PLPPR2: variants seen among roughly 807,000 people sequenced by gnomAD.
PLPPR2 encodes the protein phospholipid phosphatase-related protein type 2.
A neutral mutation model predicts 40.3 loss-of-function variants in PLPPR2; 11 were observed. The observed-to-expected ratio is 0.27, with a 90% CI of 0.17 to 0.45. The LOEUF (loss-of-function observed/expected upper bound fraction) is 0.45. Among genes scored for constraint, PLPPR2 ranks in the 20% least tolerant of loss-of-function variants. The probability of loss-of-function intolerance (pLI) is 1.00; values close to 1 mark genes in which losing one functional copy is unlikely to be tolerated. For synonymous variants in PLPPR2, 260 were observed against 290.8 expected, an observed-to-expected ratio of 0.89 and a Z score of 1.08; for missense variants, 497 against 640.7, an observed-to-expected ratio of 0.78 and a Z score of 2.42.
In PLPPR2 at chr19:11,364,815, G is replaced by A; in HGVS notation, c.*125G>A. 1 of 1,110,456 alleles carries A rather than the reference G, an allele frequency of 9.0e-7. No individual in the cohort carries two copies. The highest frequency in any genetic ancestry group is 1.3e-6 in the Non-Finnish European group (1 of 779,366). 68.8% of individuals were successfully genotyped at this position (1,110,456 alleles called of 1,614,324 possible). A position where few individuals can be genotyped will look rare whatever the true frequency, so the allele number is the denominator to read the frequency against. On this transcript the variant is annotated 3_prime_UTR_variant, in exon 10 of 10. Transcript: ENST00000688289. The surrounding 1 kb of genome is among the most constrained non-coding windows in gnomAD (Gnocchi z 5.8). ...AGCCAGCCAGACCCAGACATTAGAA[G>A]ATGGCTAGAAGGACATTTAGGAGAC...
intron 5 of PLPPR2, among the ~76,000 whole-genome samples, 182 bp downstream of exon 5, chr19:11,360,138 C>A (rs1968003894): frequency 6.6e-6 from 1 of 152,182 alleles, no homozygotes; most frequent in African/African-American, 2.4e-5. Context: ...CAGGACCAGC[C>A]TGGCCAACAT....
In PLPPR2 at chr19:11,361,890, C is replaced by T. The variant is rs1474755895; in HGVS notation, c.663+402C>T. Among the ~76,000 whole-genome samples the T allele has an allele frequency of 6.6e-6, 1 of 151,990 alleles. No individual in the cohort carries two copies. The highest frequency in any genetic ancestry group is 1.5e-5 in the Non-Finnish European group (1 of 67,970). ...GGCAGATGGGACGGCCCCCTGGAGT[C>T]CTTGCCCCTCTTCTGGAGCCCTTGC... is the stretch of plus-strand genomic sequence containing the variant. On this transcript the variant is annotated intron_variant, in intron 6 of 9. Transcript: ENST00000688289. The surrounding 1 kb of genome is among the most constrained non-coding windows in gnomAD (Gnocchi z 6.3).
chr19:11,355,822 TTGTG>T (rs1967851569), intron 1 of PLPPR2, among the ~76,000 whole-genome samples: 1 of 151,972 alleles, frequency 6.6e-6, no homozygotes, highest in Non-Finnish European at 1.5e-5. Flanking sequence ...CTGTGTGTGG[TTGTG>T]TAACTGTCAT....
Position 11,364,993 on chromosome 19 carries a change from G to T in PLPPR2, c.*303G>T, listed in dbSNP as rs1254145613. The stretch of plus-strand genomic sequence containing the variant: ...CTGGTTCTCAGAATTTTAACCAAAA[G>T]GAGTTGGCTCCAACCAATGGGAGCC... On this transcript the variant is annotated 3_prime_UTR_variant, in exon 10 of 10. Coordinates refer to ENST00000688289, the MANE Select transcript of PLPPR2 (RefSeq NM_001393892.1). This position sits in a 1 kb window ranked among gnomAD's most constrained non-coding sequence, Gnocchi z 5.8. The T allele has an allele frequency of 6.8e-6, 3 of 438,242 alleles. No homozygotes were observed. Among genetic ancestry groups the T allele is most frequent in the Non-Finnish European group, 1.2e-5 (3 of 246,190 alleles). The allele number at this position is 438,242 out of a possible 1,614,324, so 27.1% of individuals were successfully genotyped here. A position where few individuals can be genotyped will look rare whatever the true frequency, so the allele number is the denominator to read the frequency against.
At position 11,363,722 on chromosome 19, in the gene PLPPR2, G is replaced by A. The variant is rs139320193; in HGVS notation, c.850G>A (p.Val284Ile). Residue 284 changes from valine (V) to isoleucine (I), a missense_variant, in exon 8 of 10, where the codon GTT (valine) becomes ATT (isoleucine). Coordinates refer to ENST00000688289, the MANE Select transcript of PLPPR2 (RefSeq NM_001393892.1). This position sits in a 1 kb window ranked among gnomAD's most constrained non-coding sequence, Gnocchi z 4.8. ...AAIATFLVTC[V>I]VHNFQSRPPS... is the part of the protein sequence containing the mutation. ...TCTCCCTCTATTCCAGGTCACCTGCGTTGTGCATAACTTTCAGAGCCGGCC... is the reference window on the plus strand; with the variant it reads ...TCTCCCTCTATTCCAGGTCACCTGCATTGTGCATAACTTTCAGAGCCGGCC... 8.7e-6 allele frequency: 14 copies of A among 1,613,534 alleles called. No homozygotes were observed. The highest frequency in any genetic ancestry group is 5.5e-5 in the South Asian group (5 of 90,994).
Position 11,363,807 on chromosome 19 carries a change from GC to G in PLPPR2, c.940del (p.Leu314SerfsTer4). The G allele has an allele frequency of 1.2e-6, 2 of 1,614,140 alleles. No homozygotes were observed. Among genetic ancestry groups the G allele is most frequent in the Non-Finnish European group, 1.7e-6 (2 of 1,180,002 alleles). On this transcript the variant is annotated frameshift_variant, in exon 8 of 10. Coordinates refer to ENST00000688289, the MANE Select transcript of PLPPR2 (RefSeq NM_001393892.1). LOFTEE classifies it high-confidence loss of function. The surrounding 1 kb of genome is among the most constrained non-coding windows in gnomAD (Gnocchi z 4.8). ...EDLGQAPTMDSPLEKLSVAQE... is the reference protein window; with the variant it reads ...EDLGQAPTMDXPLEKLSVAQE... ...CTGGGCCAAGCCCCCACCATGGATAGCCCCCTCGAAAAGTTAAGTGTGGCGC... is the reference window on the plus strand; with the variant it reads ...CTGGGCCAAGCCCCCACCATGGATAGCCCCTCGAAAAGTTAAGTGTGGCGC...
rs754226716 is a variant in PLPPR2, at chr19:11,362,621, G to C, written c.772G>C (p.Glu258Gln). The C allele has an allele frequency of 6.2e-7, 1 of 1,613,836 alleles. No homozygotes were observed. The highest frequency in any genetic ancestry group is 1.3e-5 in the African/African-American group (1 of 75,068). ...AFLVGVVRVA[E>Q]YRNHWSDVLA... The stretch of plus-strand genomic sequence containing the variant: ...CCTGGTGGGCGTGGTCCGCGTGGCC[G>C]AGTACCGAAACCACTGGTCGGACGT... Residue 258 changes from glutamate (E) to glutamine (Q), a missense_variant, in exon 7 of 10, where the codon GAG (glutamate) becomes CAG (glutamine). Transcript: ENST00000688289. This position sits in a 1 kb window ranked among gnomAD's most constrained non-coding sequence, Gnocchi z 5.3.
Position 11,359,396 on chromosome 19 carries a change from G to C in PLPPR2, c.67-136G>C. The stretch of plus-strand genomic sequence containing the variant: ...CTCAGTCTCTCTCCCCCTTGTCTCT[G>C]TCTCTCTCCATCTTCTAGTTTCTGT... On this transcript the variant is annotated intron_variant, in intron 3 of 9. Transcript: ENST00000688289. This position sits in a 1 kb window ranked among gnomAD's most constrained non-coding sequence, Gnocchi z 5.6. The C allele has an allele frequency of 1.3e-6, 1 of 744,174 alleles. No individual in the cohort carries two copies. The highest frequency in any genetic ancestry group is 2.0e-6 in the Non-Finnish European group (1 of 500,330). The allele number at this position is 744,174 out of a possible 1,614,324, so 46.1% of individuals were successfully genotyped here.
At position 11,364,872 on chromosome 19, in the gene PLPPR2, A is replaced by ATGGGCACAAATGGAAGG; in HGVS notation, c.*185_*201dup. On this transcript the variant is annotated 3_prime_UTR_variant, in exon 10 of 10. Coordinates refer to ENST00000688289, the MANE Select transcript of PLPPR2 (RefSeq NM_001393892.1). This position sits in a 1 kb window ranked among gnomAD's most constrained non-coding sequence, Gnocchi z 5.8. ...CTCTCTGGCCCTCTGAGATATCCCG[A>ATGGGCACAAATGGAAGG]TGGGCACAAATGGAAGGTGCGCACT... The ATGGGCACAAATGGAAGG allele has an allele frequency of 1.4e-6, 1 of 696,040 alleles. No individual in the cohort carries two copies. The allele number at this position is 696,040 out of a possible 1,614,324, so 43.1% of individuals were successfully genotyped here.
At chr19:11,360,098 C>A in intron 5 of PLPPR2, 142 bp downstream of exon 5, 1 of 1,184,712 alleles carries the variant, frequency 8.4e-7, no homozygotes, top group Non-Finnish European at 1.1e-6. Flanking sequence ...TGTGGGAGGC[C>A]AAGTGGGCGA....
intron 5 of PLPPR2, among the ~76,000 whole-genome samples, chr19:11,360,778 G>T (rs1022543733): frequency 2.0e-5 from 3 of 152,040 alleles, no homozygotes; most frequent in Admixed American, 2.0e-4. Flanking sequence ...GGCAGAGGGC[G>T]GGAGACCCAG....
rs374338591 is a variant in PLPPR2 at position 11,363,831 on chromosome 19, C to A, written c.959C>A (p.Ala320Glu). The change falls in exon 8 of 10, where the codon GCG (alanine) becomes GAG (glutamate). Residue 320 changes from alanine to glutamate, a missense_variant. Transcript: ENST00000688289. This position sits in a 1 kb window ranked among gnomAD's most constrained non-coding sequence, Gnocchi z 4.8. ...AGCCCCCTCGAAAAGTTAAGTGTGG[C>A]GCAGGTAAGGGGGGCCGGGGGCTGC... ...MDSPLEKLSV[A>E]QEPEVCRPHS... 2.2e-4 allele frequency: 352 copies of A among 1,613,366 alleles called. No individual in the cohort carries two copies. Among genetic ancestry groups the A allele is most frequent in the Non-Finnish European group, 2.8e-4 (334 of 1,179,720 alleles).
intron 1 of PLPPR2, among the ~76,000 whole-genome samples, chr19:11,356,529 ATGTGT>A (rs779566846): frequency 3.9e-5 from 6 of 152,160 alleles, no homozygotes; most frequent in Non-Finnish European, 8.8e-5. Flanking sequence ...ATGCAGTGAC[ATGTGT>A]TGTGTGTGTT....
intron 1 of PLPPR2, 112 bp from the exon 2 acceptor site, chr19:11,356,690 G>GTA (rs1473659584): frequency 6.5e-6 from 1 of 154,204 alleles, no homozygotes; most frequent in African/African-American, 2.4e-5. Context: ...GTGTGTGTGT[G>GTA]TGTGGTGCCA....
Position 11,361,308 on chromosome 19 carries a change from G to A in PLPPR2, c.483G>A (p.Val161=), listed in dbSNP as rs753875447. 17 of 1,613,622 alleles carry A rather than the reference G, an allele frequency of 1.1e-5. No individual in the cohort carries two copies. Among genetic ancestry groups the A allele is most frequent in the Admixed American group, 1.0e-4 (6 of 59,992 alleles). ...ATCCCACGCCACACTTCCTGTCCGTGTGCCGCCCCAACTACACGGCCCTGG... is the reference window on the plus strand; with the variant it reads ...ATCCCACGCCACACTTCCTGTCCGTATGCCGCCCCAACTACACGGCCCTGG... ...TGNPTPHFLS[V]CRPNYTALGC... Residue 161 remains valine (V), a synonymous_variant, in exon 6 of 10, where the codon GTG becomes GTA. Transcript: ENST00000688289. This position sits in a 1 kb window ranked among gnomAD's most constrained non-coding sequence, Gnocchi z 6.3.
rs557526829 is a variant in PLPPR2 at position 11,359,918 on chromosome 19, G to A, written c.353G>A (p.Arg118His). The A allele has an allele frequency of 1.7e-5, 28 of 1,612,444 alleles. No homozygotes were observed. In the South Asian group the frequency reaches 1.9e-4, roughly 11 times the overall value. ...ESTIVSGACC[R>H]FSPPVRRLVR... ...ACCATCGTGTCTGGGGCCTGCTGCC[G>A]CTTCAGCCCCCCAGTGCGGAGGCTG... is the stretch of plus-strand genomic sequence containing the variant. Residue 118 changes from arginine (R) to histidine (H), a missense_variant, in exon 5 of 10, where the codon CGC (arginine) becomes CAC (histidine). By Grantham distance (29) the Arg-to-His change is conservative. Coordinates refer to ENST00000688289, the MANE Select transcript of PLPPR2 (RefSeq NM_001393892.1). The surrounding 1 kb of genome is among the most constrained non-coding windows in gnomAD (Gnocchi z 5.6).
Position 11,361,566 on chromosome 19 carries a change from T to G in PLPPR2, c.663+78T>G. The G allele has an allele frequency of 6.6e-7, 1 of 1,523,058 alleles. No individual in the cohort carries two copies. The highest frequency in any genetic ancestry group is 8.8e-7 in the Non-Finnish European group (1 of 1,138,800). The allele number at this position is 1,523,058 out of a possible 1,614,324, so 94.3% of individuals were successfully genotyped here. A position where few individuals can be genotyped will look rare whatever the true frequency, so the allele number is the denominator to read the frequency against. On this transcript the variant is annotated intron_variant, in intron 6 of 9. Transcript: ENST00000688289. The surrounding 1 kb of genome is among the most constrained non-coding windows in gnomAD (Gnocchi z 6.3). ...CCAGCAGCTAGGAAGCCGCCAGGGT[T>G]GGAGCCTCTGCTCTTCCACGCCCCG... is the stretch of plus-strand genomic sequence containing the variant.
chr19:11,363,708 T>C lies in PLPPR2; in HGVS notation c.841-5T>C. 6.2e-7 allele frequency: 1 copy of C among 1,611,680 alleles called. No individual in the cohort carries two copies. Among genetic ancestry groups the C allele is most frequent in the Non-Finnish European group, 8.5e-7 (1 of 1,178,194 alleles). ...CCTCAACACTCTCCTCTCCCTCTAT[T>C]CCAGGTCACCTGCGTTGTGCATAAC... On this transcript the variant is annotated splice_region_variant and splice_polypyrimidine_tract_variant and intron_variant, in intron 7 of 9. Coordinates refer to ENST00000688289, the MANE Select transcript of PLPPR2 (RefSeq NM_001393892.1). This position sits in a 1 kb window ranked among gnomAD's most constrained non-coding sequence, Gnocchi z 4.8.
chr19:11,361,601 G>A lies in PLPPR2; in HGVS notation c.663+113G>A. On this transcript the variant is annotated intron_variant, in intron 6 of 9. Transcript: ENST00000688289. This position sits in a 1 kb window ranked among gnomAD's most constrained non-coding sequence, Gnocchi z 6.3. The stretch of plus-strand genomic sequence containing the variant: ...GCTCTTCCACGCCCCGGGTGCTGTT[G>A]GAAGCTCTCGCTCCACGCCCCGACC... The A allele has an allele frequency of 7.1e-7, 1 of 1,415,528 alleles. No individual in the cohort carries two copies. Among genetic ancestry groups the A allele is most frequent in the Non-Finnish European group, 9.4e-7 (1 of 1,064,016 alleles). 87.7% of individuals were successfully genotyped at this position (1,415,528 alleles called of 1,614,324 possible).
Sources: gnomAD v4.1 joint callset for allele counts (sites outside exome capture counted in the v4.1 genomes callset) on GRCh38, gnomAD v4.1.1 for gene constraint, Gnocchi (gnomAD v3.1) non-coding constraint, MANE v1.5 for transcripts, NCBI Gene and HGNC (gene_info 2026-07-23, HGNC 2026-07-21) for gene names.